The following STAU2 variants were observed in gnomAD, a reference collection of about 807,000 sequenced individuals.
STAU2 encodes staufen double-stranded RNA binding protein 2.
A neutral mutation model predicts 65.9 loss-of-function variants in STAU2; 20 were observed. That is an observed-to-expected ratio of 0.30 (90% CI 0.21 to 0.44). The LOEUF is 0.44. Ranked by LOEUF, STAU2 falls within the 20% of genes least tolerant of loss-of-function variation. The pLI is 1.00. For missense variants in STAU2, 558 were observed against 683.9 expected (o/e 0.82, Z 2.05); for synonymous variants, 232 against 233.9 (o/e 0.99, Z 0.07).
intron 13 of STAU2, among the ~76,000 whole-genome samples, chr8:73,499,215 A>G (rs145480760): frequency 6.6e-6 from 1 of 151,906 alleles, no homozygotes; most frequent in East Asian, 1.9e-4. Flanking sequence ...TTTAAAATCA[A>G]TCAGTCTCTC....
intron 6 of STAU2, among the ~76,000 whole-genome samples, chr8:73,630,285 T>G (rs989245947): frequency 2.6e-5 from 4 of 152,206 alleles, no homozygotes; most frequent in African/African-American, 9.7e-5. Context: ...TGTCTCTTAT[T>G]CCAGGATGCA....
intron 6 of STAU2, among the ~76,000 whole-genome samples, chr8:73,644,407 T>C (rs1815213655): frequency 6.6e-6 from 1 of 151,234 alleles, no homozygotes; most frequent in South Asian, 2.1e-4. Flanking sequence ...ATTATGCCAC[T>C]GCACTCCAGC....
At chr8:73,431,927 A>G (rs1585735661) in intron 13 of STAU2, among the ~76,000 whole-genome samples, 1 of 152,232 alleles carries the variant, frequency 6.6e-6, no homozygotes, top group African/African-American at 2.4e-5. Flanking sequence ...ATTCTCTGAG[A>G]GATAATGGCA....
At chr8:73,579,003 C>T (rs1278330065) in intron 12 of STAU2, among the ~76,000 whole-genome samples, 1 of 106,832 alleles carries the variant, frequency 9.4e-6, no homozygotes, top group Admixed American at 1.0e-4. Context: ...CCAAAAAAAC[C>T]AAAAAAACAC....
At chr8:73,575,470 G>C (rs1231423650) in intron 12 of STAU2, among the ~76,000 whole-genome samples, 1 of 152,068 alleles carries the variant, frequency 6.6e-6, no homozygotes, top group East Asian at 1.9e-4. Flanking sequence ...CTGTAATGGA[G>C]TAATTCCATT....
intron 13 of STAU2, chr8:73,439,195 A>G: frequency 2.7e-6 from 1 of 375,162 alleles, no homozygotes. Flanking sequence ...CGCAGTTGGG[A>G]AGACATGTGC....
chr8:73,644,505 C>T (rs1352042564), intron 6 of STAU2, among the ~76,000 whole-genome samples: 1 of 150,112 alleles, frequency 6.7e-6, no homozygotes, highest in Non-Finnish European at 1.5e-5. Context: ...AAAGACGAAA[C>T]GTTTCAAATA....
chr8:73,619,709 C>T (rs1166241283), intron 6 of STAU2, among the ~76,000 whole-genome samples: 1 of 152,078 alleles, frequency 6.6e-6, no homozygotes, highest in Non-Finnish European at 1.5e-5. Context: ...GCCTAAGGCT[C>T]GGAACTGATT....
intron 12 of STAU2, among the ~76,000 whole-genome samples, chr8:73,564,947 T>C (rs1345304404): frequency 6.6e-6 from 1 of 152,174 alleles, no homozygotes; most frequent in African/African-American, 2.4e-5. Flanking sequence ...TGCACATGTG[T>C]CCTGGAATGG....
At chr8:73,559,737 T>C (rs948258971) in intron 12 of STAU2, among the ~76,000 whole-genome samples, 9 of 152,190 alleles carry the variant, frequency 5.9e-5, no homozygotes, top group Non-Finnish European at 1.2e-4. Flanking sequence ...TGCTGCCCTG[T>C]TGTTGGGATC....
intron 12 of STAU2, among the ~76,000 whole-genome samples, chr8:73,574,209 C>G (rs894577557): frequency 6.6e-6 from 1 of 152,162 alleles, no homozygotes; most frequent in East Asian, 1.9e-4. Flanking sequence ...CAATGAGATA[C>G]CATCTCATAC....
chr8:73,427,618 G>A (rs758540408), intron 13 of STAU2, among the ~76,000 whole-genome samples: 20 of 152,242 alleles, frequency 1.3e-4, no homozygotes, highest in Non-Finnish European at 2.5e-4. Context: ...GCTATGCTGA[G>A]GGCAGTGCAT....
At chr8:73,577,009 T>C (rs920909222) in intron 12 of STAU2, among the ~76,000 whole-genome samples, 34 of 152,340 alleles carry the variant, frequency 2.2e-4, no homozygotes, top group African/African-American at 7.5e-4. Flanking sequence ...ATTCTAAATT[T>C]CAGCATACAT....
At chr8:73,573,977 A>G (rs1809316138) in intron 12 of STAU2, among the ~76,000 whole-genome samples, 1 of 152,196 alleles carries the variant, frequency 6.6e-6, no homozygotes, top group Non-Finnish European at 1.5e-5. Context: ...AACCTACAGA[A>G]TAGGAGAAAA....
At chr8:73,531,591 A>G (rs1027154772) in intron 13 of STAU2, among the ~76,000 whole-genome samples, 2 of 152,222 alleles carry the variant, frequency 1.3e-5, no homozygotes, top group East Asian at 1.9e-4. Context: ...CTTCAGGTAT[A>G]TATTTTCTTC....
chr8:73,599,334 A>G (rs1183047772), intron 10 of STAU2, among the ~76,000 whole-genome samples: 1 of 152,186 alleles, frequency 6.6e-6, no homozygotes, highest in Non-Finnish European at 1.5e-5. Context: ...GAAAGTCACA[A>G]CACAAGAGGA....
At chr8:73,424,240 G>GC (rs1816627704) in intron 13 of STAU2, among the ~76,000 whole-genome samples, 1 of 127,784 alleles carries the variant, frequency 7.8e-6, no homozygotes, top group African/African-American at 3.1e-5. Context: ...TTACTCTGTC[G>GC]CCCAGGCTGG....
At chr8:73,444,619 C>T (rs1818368442) in intron 13 of STAU2, among the ~76,000 whole-genome samples, 1 of 152,116 alleles carries the variant, frequency 6.6e-6, no homozygotes. Context: ...TCTATCCCCC[C>T]ATGGTAAATT....
chr8:73,593,866 G>T (rs1446777672), intron 11 of STAU2, among the ~76,000 whole-genome samples: 1 of 71,536 alleles, frequency 1.4e-5, no homozygotes, highest in Non-Finnish European at 2.6e-5. Flanking sequence ...TATATACACA[G>T]ACAGACACAC....
Sources: gnomAD v4.1 joint callset for allele counts (sites outside exome capture counted in the v4.1 genomes callset) on GRCh38, gnomAD v4.1.1 for gene constraint, MANE v1.5 for transcripts, NCBI Gene and HGNC (gene_info 2026-07-23, HGNC 2026-07-21) for gene names.